Variants in ATOSA observed in about 807,000 individuals in gnomAD.
ATOSA encodes atos homolog A.
chr15:52,622,503 G>A, the ATOSA span, among the ~76,000 whole-genome samples: 1 of 152,128 alleles, frequency 6.6e-6, no homozygotes, highest in Non-Finnish European at 1.5e-5. Flanking sequence ...AGACACTGGG[G>A]CTTGGAGCTT....
At chr15:52,634,475 T>G in the ATOSA span, among the ~76,000 whole-genome samples, 1 of 150,610 alleles carries the variant, frequency 6.6e-6, no homozygotes, top group South Asian at 2.1e-4. Flanking sequence ...CCCATCTATA[T>G]CAACAATAAC....
the ATOSA span, among the ~76,000 whole-genome samples, chr15:52,703,500 C>T: frequency 6.6e-6 from 1 of 152,100 alleles, no homozygotes; most frequent in Non-Finnish European, 1.5e-5. Flanking sequence ...AGAAACCCAA[C>T]CCATATGAAG....
At chr15:52,683,687 G>C in the ATOSA span, among the ~76,000 whole-genome samples, 1 of 152,150 alleles carries the variant, frequency 6.6e-6, no homozygotes, top group Admixed American at 6.5e-5. Context: ...ACAGAAAAGG[G>C]GAAGTTAAAT....
the ATOSA span, among the ~76,000 whole-genome samples, chr15:52,699,199 G>A: frequency 6.6e-6 from 1 of 152,132 alleles, no homozygotes; most frequent in Non-Finnish European, 1.5e-5. Context: ...CTAACCATCA[G>A]TACCTGTTTT....
At chr15:52,589,198 A>C in the ATOSA span, among the ~76,000 whole-genome samples, 1 of 152,246 alleles carries the variant, frequency 6.6e-6, no homozygotes, top group Admixed American at 6.5e-5. Context: ...TTAACAATTT[A>C]TCTCTTACAA....
At chr15:52,594,838 TTC>T in the ATOSA span, among the ~76,000 whole-genome samples, 2 of 152,194 alleles carry the variant, frequency 1.3e-5, no homozygotes, top group Non-Finnish European at 2.9e-5. Context: ...ACTGCCAGAG[TTC>T]TTTTTCTTTT....
At chr15:52,631,896 C>A in the ATOSA span, among the ~76,000 whole-genome samples, 1 of 152,114 alleles carries the variant, frequency 6.6e-6, no homozygotes, top group Non-Finnish European at 1.5e-5. Context: ...CGCCATCATG[C>A]CCAGCTATTT....
chr15:52,613,940 T>C, the ATOSA span: 2 of 1,031,478 alleles, frequency 1.9e-6, no homozygotes, highest in East Asian at 5.1e-5. Context: ...ATAACTAATG[T>C]CACATTACAC....
At chr15:52,609,821 A>G in the ATOSA span, 1 of 1,613,390 alleles carries the variant, frequency 6.2e-7, no homozygotes, top group South Asian at 1.1e-5. Flanking sequence ...TGAATTAAAG[A>G]GCCTATTAAA....
chr15:52,662,437 T>G, the ATOSA span, among the ~76,000 whole-genome samples: 1 of 152,168 alleles, frequency 6.6e-6, no homozygotes. Context: ...TCAAAATAAA[T>G]AGTGCAGCTT....
At chr15:52,630,826 G>C in the ATOSA span, among the ~76,000 whole-genome samples, 1 of 152,088 alleles carries the variant, frequency 6.6e-6, no homozygotes, top group East Asian at 1.9e-4. Context: ...TCATATAATG[G>C]GATACAGGAG....
the ATOSA span, chr15:52,678,650 GCCCAGCC>G: frequency 6.5e-6 from 1 of 153,914 alleles, no homozygotes; most frequent in African/African-American, 2.4e-5. Context: ...ACCTCCTCCC[GCCCAGCC>G]CCCAGCCCCA....
At chr15:52,658,840 G>T in the ATOSA span, 1 of 349,846 alleles carries the variant, frequency 2.9e-6, no homozygotes, top group Non-Finnish European at 5.0e-6. Context: ...TTAAAAATCA[G>T]CTGGGCATGG....
the ATOSA span, among the ~76,000 whole-genome samples, chr15:52,616,177 A>C: frequency 6.6e-6 from 1 of 152,236 alleles, no homozygotes; most frequent in African/African-American, 2.4e-5. Context: ...ATAAGAGCAC[A>C]GACAGGTGGC....
At chr15:52,611,744 T>G in the ATOSA span, 1 of 1,614,050 alleles carries the variant, frequency 6.2e-7, no homozygotes, top group Non-Finnish European at 8.5e-7. Flanking sequence ...CACAACAATG[T>G]GACCTCAGAC....
chr15:52,651,302 G>A, the ATOSA span, among the ~76,000 whole-genome samples: 1 of 152,128 alleles, frequency 6.6e-6, no homozygotes, highest in Admixed American at 6.5e-5. Context: ...CTAGTCAATG[G>A]ATTAAATAAT....
At chr15:52,634,640 C>T in the ATOSA span, among the ~76,000 whole-genome samples, 3 of 143,618 alleles carry the variant, frequency 2.1e-5, no homozygotes, top group African/African-American at 5.1e-5. Context: ...CTTGCTCTGT[C>T]GCCCAGGCTG....
chr15:52,605,824 T>A, the ATOSA span, among the ~76,000 whole-genome samples: 6 of 152,094 alleles, frequency 3.9e-5, no homozygotes, highest in African/African-American at 1.4e-4. Context: ...CCTCTTATTC[T>A]CAGGGGATAT....
At chr15:52,649,615 T>G in the ATOSA span, 1 of 152,120 alleles carries the variant, frequency 6.6e-6, no homozygotes, top group Non-Finnish European at 1.5e-5. Context: ...GAAATCACTG[T>G]TTTTGAGAAT....
Sources: gnomAD v4.1 joint callset for allele counts (sites outside exome capture counted in the v4.1 genomes callset) on GRCh38, gnomAD v4.1.1 for gene constraint, MANE v1.5 for transcripts, NCBI Gene and HGNC (gene_info 2026-07-23, HGNC 2026-07-21) for gene names.